Variants in TMIGD3 observed in about 807,000 individuals in gnomAD.
The protein encoded by TMIGD3 is AD026 protein (AD026).
A neutral mutation model predicts 28.1 loss-of-function variants in TMIGD3; 21 were observed. That is an observed-to-expected ratio of 0.75 (90% CI 0.53 to 1.08). The LOEUF (loss-of-function observed/expected upper bound fraction) is 1.08, where lower values mean the gene tolerates loss of function less well. Among genes scored for constraint, TMIGD3 ranks in the 50% least tolerant of loss-of-function variants. The pLI is 0.00. For missense variants in TMIGD3, 416 were observed against 435.6 expected (o/e 0.96, Z 0.40); for synonymous variants, 151 against 162.1 (o/e 0.93, Z 0.52).
At chr1:111,512,945 C>T (rs1003624250) in intron 1 of TMIGD3, among the ~76,000 whole-genome samples, 2 of 152,196 alleles carry the variant, frequency 1.3e-5, no homozygotes, top group African/African-American at 4.8e-5. Context: ...CTGTGGGAGG[C>T]AGTACCATTT....
intron 1 of TMIGD3, 97 bp downstream of exon 1, chr1:111,502,908 A>G (rs995997688): frequency 2.7e-6 from 4 of 1,468,752 alleles, no homozygotes; most frequent in Middle Eastern, 4.9e-4. Context: ...TCAAGGGCCA[A>G]TTTGGATACA....
chr1:111,489,616 A>G, intron 2 of TMIGD3: 1 of 1,159,820 alleles, frequency 8.6e-7, no homozygotes, highest in Non-Finnish European at 1.1e-6. Flanking sequence ...TGAAATATGG[A>G]GGCCTCCTAC....
At chr1:111,534,937 A>G (rs1656590319) in intron 1 of TMIGD3, among the ~76,000 whole-genome samples, 1 of 152,216 alleles carries the variant, frequency 6.6e-6, no homozygotes, top group African/African-American at 2.4e-5. Flanking sequence ...CTAAAACACA[A>G]CATGGCTATC....
At chr1:111,538,540 C>T (rs1343337229) in intron 1 of TMIGD3, among the ~76,000 whole-genome samples, 2 of 152,188 alleles carry the variant, frequency 1.3e-5, no homozygotes, top group African/African-American at 4.8e-5. Flanking sequence ...TACCACTATT[C>T]ATTTTGTCCT....
Position 111,560,234 on chromosome 1 carries a change from A to G in TMIGD3, c.107+3612T>C, listed in dbSNP as rs1402447121. On this transcript the variant is annotated intron_variant, in intron 1 of 5. Transcript: ENST00000369717. ...CATACAAGCCCAACCTCGTCTTACA[A>G]TCTTTAGAGCTGAACTAACAAAGAG... is the stretch of plus-strand genomic sequence containing the variant. 7.2e-5 allele frequency among the ~76,000 whole-genome samples: 11 copies of G among 152,126 alleles called. No homozygotes were observed. In the East Asian group the frequency reaches 1.9e-3, roughly 27 times the overall value.
intron 1 of TMIGD3, among the ~76,000 whole-genome samples, chr1:111,495,613 A>G (rs745435775): frequency 1.3e-5 from 2 of 152,242 alleles, no homozygotes; most frequent in Non-Finnish European, 2.9e-5. Context: ...CAGTATGGCA[A>G]TTCCTCAAAG....
At chr1:111,490,481 A>G in intron 2 of TMIGD3, 175 bp downstream of exon 2, 2 of 588,262 alleles carry the variant, frequency 3.4e-6, no homozygotes, top group Non-Finnish European at 6.0e-6. Context: ...TATCTGAGCT[A>G]AGAACAAGAA....
At chr1:111,506,913 T>TAA (rs10653520), upstream of TMIGD3, among the ~76,000 whole-genome samples, 353 of 121,880 alleles carry the variant, frequency 2.9e-3, 3 homozygotes, top group South Asian at 5.7e-3. Context: ...TATATATATA[T>TAA]TATATATATA....
Position 111,555,438 on chromosome 1 carries a change from T to A in TMIGD3, c.107+8408A>T, listed in dbSNP as rs186000233. Among the ~76,000 whole-genome samples, 1,130 of 140,724 alleles carry A rather than the reference T, an allele frequency of 8.0e-3. 15 individuals carry two copies. The highest frequency in any genetic ancestry group is 0.029 in the African/African-American group (1,058 of 37,094). The allele number at this position is 140,724 out of a possible 152,430, so 92.3% of individuals were successfully genotyped here. The stretch of plus-strand genomic sequence containing the variant: ...TAACCAAATAGTTCCAGAAAAAAAA[T>A]TTTTAATGTAATAATTAAATTTGAA... On this transcript the variant is annotated intron_variant, in intron 1 of 5. Transcript: ENST00000369717.
upstream of TMIGD3, among the ~76,000 whole-genome samples, chr1:111,507,037 G>GTA (rs756384162): frequency 6.2e-5 from 3 of 48,636 alleles, no homozygotes; most frequent in South Asian, 5.7e-4. Context: ...GTGTGTGTGT[G>GTA]TGTATATATA....
chr1:111,563,853 C>G, exon 1 of TMIGD3: 1 of 1,612,812 alleles, frequency 6.2e-7, no homozygotes, highest in South Asian at 1.1e-5. Flanking sequence ...CACTGTGACT[C>G]AGGACTCAAG....
At chr1:111,493,665 A>C (rs1654764135) in intron 1 of TMIGD3, among the ~76,000 whole-genome samples, 1 of 152,248 alleles carries the variant, frequency 6.6e-6, no homozygotes, top group Non-Finnish European at 1.5e-5. Context: ...ATCAAAAAAC[A>C]AAAACAACTT....
rs780665195 is a variant in TMIGD3 at position 111,489,023 on chromosome 1, A to T, written c.459T>A (p.Asp153Glu). ...FILLSLALIS[D>E]AMVMDEKVKR... ...TGACCTTTTCATCCATGACCATGGC[A>T]TCTGTGAAAACACACACACACACGC... is the stretch of plus-strand genomic sequence containing the variant. Residue 153 changes from aspartate (D) to glutamate (E), a missense_variant and splice_region_variant, in exon 3 of 6, where the codon GAT becomes GAA. Physicochemically the swap from Asp to Glu is conservative, Grantham distance 45. Transcript: ENST00000369716. The T allele has an allele frequency of 6.2e-7, 1 of 1,606,548 alleles. No individual in the cohort carries two copies. The highest frequency in any genetic ancestry group is 8.5e-7 in the Non-Finnish European group (1 of 1,175,160).
chr1:111,501,607 G>T (rs1655180171), intron 1 of TMIGD3, among the ~76,000 whole-genome samples: 1 of 152,164 alleles, frequency 6.6e-6, no homozygotes, highest in Non-Finnish European at 1.5e-5. Flanking sequence ...CCATTTTGTA[G>T]ATTAAAAAGT....
At chr1:111,499,829 T>G in intron 1 of TMIGD3, 1 of 1,519,460 alleles carries the variant, frequency 6.6e-7, no homozygotes, top group Non-Finnish European at 8.8e-7. Flanking sequence ...CTGGAGATGC[T>G]CCCACCTCAG....
At chr1:111,500,406 T>C (rs749695463) in intron 1 of TMIGD3, 2 of 1,614,146 alleles carry the variant, frequency 1.2e-6, no homozygotes, top group Non-Finnish European at 1.7e-6. Flanking sequence ...CGGAAACAAA[T>C]TGGCATGAAA....
At position 111,502,953 on chromosome 1, in the gene TMIGD3, A is replaced by G. The variant is rs574805355; in HGVS notation, c.350+52T>C. 333 of 1,594,678 alleles carry G rather than the reference A, an allele frequency of 2.1e-4. 5 individuals are homozygous for G. The South Asian group carries it at 3.3e-3, about 16-fold the overall frequency. On this transcript the variant is annotated intron_variant, in intron 1 of 5. Coordinates refer to ENST00000369716, the MANE Select transcript of TMIGD3 (RefSeq NM_020683.7). ...AAAAAGTCTGGGCTCTGGGCTTTGTAGCCTCATTTCCCAGCTGCCTCAATT... is the reference window on the plus strand; with the variant it reads ...AAAAAGTCTGGGCTCTGGGCTTTGTGGCCTCATTTCCCAGCTGCCTCAATT...
At chr1:111,559,425 A>T (rs1358324953) in intron 1 of TMIGD3, among the ~76,000 whole-genome samples, 1 of 152,190 alleles carries the variant, frequency 6.6e-6, no homozygotes, top group East Asian at 1.9e-4. Flanking sequence ...TAGTGCCTCC[A>T]AAACCAAATA....
At chr1:111,512,640 G>T (rs1655728825) in intron 1 of TMIGD3, among the ~76,000 whole-genome samples, 8 of 152,232 alleles carry the variant, frequency 5.3e-5, no homozygotes, top group Admixed American at 5.2e-4. Flanking sequence ...GCTGGGTGGG[G>T]TTGGGGGTTG....
Sources: gnomAD v4.1 joint callset for allele counts (sites outside exome capture counted in the v4.1 genomes callset) on GRCh38, gnomAD v4.1.1 for gene constraint, MANE v1.5 for transcripts, NCBI Gene and HGNC (gene_info 2026-07-23, HGNC 2026-07-21) for gene names.